VPS13D: variants seen among roughly 807,000 people sequenced by gnomAD.
The protein encoded by VPS13D is intermembrane lipid transfer protein VPS13D.
Under a neutral mutation model 461.9 loss-of-function variants are expected in VPS13D, and 187 were observed. That is an observed-to-expected ratio of 0.40 (90% confidence interval 0.36 to 0.46). The LOEUF (loss-of-function observed/expected upper bound fraction) is 0.46. VPS13D is among the 20% of genes least tolerant of loss of function. The probability of loss-of-function intolerance (pLI) is 0.60; values close to 1 mark genes in which losing one functional copy is unlikely to be tolerated. For synonymous variants in VPS13D, 1,951 were observed against 1,986.3 expected (o/e 0.98, Z 0.47); for missense variants, 4,711 against 5,364.9 (o/e 0.88, Z 3.81).
chr1:12,408,257 A>T (rs1644680334), intron 63 of VPS13D, among the ~76,000 whole-genome samples: 1 of 152,220 alleles, frequency 6.6e-6, no homozygotes, highest in African/African-American at 2.4e-5. Context: ...GTCTAAAATC[A>T]AGTAGCTAGC....
intron 60 of VPS13D, among the ~76,000 whole-genome samples, chr1:12,393,798 CAGCTGTTA>C (rs1205329829): frequency 6.6e-6 from 1 of 152,146 alleles, no homozygotes; most frequent in Non-Finnish European, 1.5e-5. Context: ...GGGGTTCTGC[CAGCTGTTA>C]AGTATATCTA....
intron 67 of VPS13D, among the ~76,000 whole-genome samples, chr1:12,487,481 T>C (rs766742122): frequency 1.3e-4 from 20 of 151,822 alleles, no homozygotes; most frequent in Admixed American, 5.2e-4. Flanking sequence ...CATGGTGCCG[T>C]ATACCTGTAA....
chr1:12,230,587 G>A (rs1013004961), intron 1 of VPS13D, among the ~76,000 whole-genome samples: 5 of 152,176 alleles, frequency 3.3e-5, no homozygotes, highest in African/African-American at 7.2e-5. Flanking sequence ...TTACGCCGAA[G>A]AGTGGGGTGT....
chr1:12,290,451 G>A (rs939569771), intron 22 of VPS13D, among the ~76,000 whole-genome samples: 3 of 152,020 alleles, frequency 2.0e-5, no homozygotes, highest in Admixed American at 6.6e-5. Context: ...TGCCGGGCGC[G>A]GTGGCTCACA....
At chr1:12,253,133 G>A (rs1212465842) in intron 6 of VPS13D, among the ~76,000 whole-genome samples, 4 of 150,910 alleles carry the variant, frequency 2.7e-5, no homozygotes, top group African/African-American at 9.7e-5. Context: ...ACTCCAGCCT[G>A]GGCAACAAGA....
chr1:12,448,596 A>C (rs956521804), intron 65 of VPS13D, among the ~76,000 whole-genome samples: 2 of 152,216 alleles, frequency 1.3e-5, no homozygotes, highest in African/African-American at 4.8e-5. Context: ...TTCCATCCAC[A>C]GCTGGGCTTC....
intron 24 of VPS13D, among the ~76,000 whole-genome samples, chr1:12,294,118 C>G (rs36104152): frequency 0.036 from 5,409 of 152,258 alleles, 183 homozygotes; most frequent in African/African-American, 0.086. Flanking sequence ...AAGGAAACAC[C>G]TAATGGTATT....
At chr1:12,352,318 C>T (rs1643814404) in intron 46 of VPS13D, among the ~76,000 whole-genome samples, 1 of 151,846 alleles carries the variant, frequency 6.6e-6, no homozygotes, top group Admixed American at 6.6e-5. Flanking sequence ...GTACACAGGC[C>T]ACAGAATTGG....
chr1:12,476,281 A>T (rs536243888), intron 67 of VPS13D, among the ~76,000 whole-genome samples: 3 of 152,374 alleles, frequency 2.0e-5, no homozygotes, highest in African/African-American at 7.2e-5. Context: ...GTCAACAGGA[A>T]GCAGGGGCAT....
intron 16 of VPS13D, 90 bp from the exon 17 acceptor site, chr1:12,270,902 TGA>T: frequency 6.6e-7 from 1 of 1,511,122 alleles, no homozygotes; most frequent in Admixed American, 1.9e-5. Flanking sequence ...TTTTAAGCTT[TGA>T]TGGACATTCT....
intron 67 of VPS13D, among the ~76,000 whole-genome samples, chr1:12,471,015 A>G (rs957881863): frequency 3.3e-5 from 5 of 152,148 alleles, no homozygotes; most frequent in African/African-American, 1.2e-4. Context: ...AATAAGAACA[A>G]TGGGGGCCAG....
chr1:12,347,212 C>G (rs544006812), intron 44 of VPS13D, among the ~76,000 whole-genome samples: 1 of 152,098 alleles, frequency 6.6e-6, no homozygotes, highest in South Asian at 2.1e-4. Flanking sequence ...GCTCTGTTGC[C>G]CAGGCTGGAA....
chr1:12,242,532 C>G lies in VPS13D; in HGVS notation c.117C>G (p.Asn39Lys), dbSNP rs770901741. ...ALLKGAVELE[N>K]LPLKKDALKE... Reference sequence around the variant, plus strand: ...TTTTAGGTGCTGTTGAATTAGAAAACTTGCCATTAAAGAAAGATGCCTTGA... The same window carrying G: ...TTTTAGGTGCTGTTGAATTAGAAAAGTTGCCATTAAAGAAAGATGCCTTGA... Residue 39 changes from asparagine (N) to lysine (K), a missense_variant, in exon 3 of 70, where the codon AAC becomes AAG. By Grantham distance (94) the Asn-to-Lys change is moderately conservative. Coordinates refer to ENST00000620676, the MANE Select transcript of VPS13D (RefSeq NM_015378.4). The G allele has an allele frequency of 8.7e-6, 14 of 1,614,024 alleles. No homozygotes were observed. The highest frequency in any genetic ancestry group is 1.2e-5 in the Non-Finnish European group (14 of 1,179,934).
Position 12,335,714 on chromosome 1 carries a change from T to A in VPS13D, c.8438T>A (p.Val2813Glu), listed in dbSNP as rs1473008744. The A allele has an allele frequency of 6.2e-7, 1 of 1,613,554 alleles. No homozygotes were observed. The highest frequency in any genetic ancestry group is 2.2e-5 in the East Asian group (1 of 44,864). Residue 2813 changes from valine (V) to glutamate (E), a missense_variant, in exon 39 of 70, where the codon GTA becomes GAA. By Grantham distance (121) the Val-to-Glu change is moderately radical. Around this residue, in one of 3 missense-constraint regions of VPS13D, gnomAD observed 4,411 missense variants for 4,937.8 expected, o/e 0.89. Coordinates refer to ENST00000620676, the MANE Select transcript of VPS13D (RefSeq NM_015378.4). ...NITSVLIDQY[V>E]STKESWMADY... Reference sequence around the variant, plus strand: ...GGGGGATTCTTTCTAGACCAGTATGTAAGTACCAAGGAATCGTGGATGGCA... The same window carrying A: ...GGGGGATTCTTTCTAGACCAGTATGAAAGTACCAAGGAATCGTGGATGGCA...
At chr1:12,376,613 T>C (rs551523892) in intron 55 of VPS13D, among the ~76,000 whole-genome samples, 1 of 152,316 alleles carries the variant, frequency 6.6e-6, no homozygotes, top group African/African-American at 2.4e-5. Context: ...AGCTTGTAAA[T>C]TGTGTAGCTG....
intron 39 of VPS13D, 173 bp downstream of exon 39, chr1:12,336,000 C>A: frequency 1.2e-6 from 1 of 862,182 alleles, no homozygotes; most frequent in Non-Finnish European, 1.7e-6. Flanking sequence ...CTGGCATGAA[C>A]TACTGAACTT....
chr1:12,416,024 T>C (rs1019947761), intron 64 of VPS13D, among the ~76,000 whole-genome samples: 1 of 151,930 alleles, frequency 6.6e-6, no homozygotes, highest in African/African-American at 2.4e-5. Context: ...CTACAAAATA[T>C]AGAAAAAAAA....
chr1:12,238,350 A>G (rs1310122931), intron 2 of VPS13D, among the ~76,000 whole-genome samples: 1 of 150,400 alleles, frequency 6.6e-6, no homozygotes, highest in Non-Finnish European at 1.5e-5. Context: ...AGGCAGGAAG[A>G]TCCCTTGGTC....
chr1:12,417,225 GC>G (rs1488858637), intron 65 of VPS13D, among the ~76,000 whole-genome samples: 1 of 152,192 alleles, frequency 6.6e-6, no homozygotes, highest in East Asian at 1.9e-4. Context: ...GAAAGTCCAA[GC>G]TGAAGTACAG....
Sources: allele counts gnomAD v4.1 joint callset (sites outside exome capture counted in the v4.1 genomes callset), GRCh38; gene constraint gnomAD v4.1.1; regional missense constraint gnomAD v4.1.1; transcripts MANE v1.5; gene names NCBI Gene and HGNC (gene_info 2026-07-23, HGNC 2026-07-21).